Variants in TBC1D22A observed in about 807,000 individuals in gnomAD.
TBC1D22A encodes putative GTPase activator.
In TBC1D22A, 38 loss-of-function variants were observed where a neutral mutation model predicts 60.2. That is an observed-to-expected ratio of 0.63 (90% CI 0.49 to 0.83). TBC1D22A has a LOEUF of 0.83. Ranked by LOEUF, TBC1D22A falls within the 40% of genes least tolerant of loss-of-function variation. TBC1D22A has a pLI of 0.00. For synonymous variants in TBC1D22A, 302 were observed against 281.7 expected, an observed-to-expected ratio of 1.07 and a Z score of -0.72; for missense variants, 628 against 701.0, an observed-to-expected ratio of 0.90 and a Z score of 1.18.
chr22:46,823,509 T>C (rs1376477750), intron 4 of TBC1D22A, among the ~76,000 whole-genome samples: 2 of 152,068 alleles, frequency 1.3e-5, no homozygotes, highest in Non-Finnish European at 2.9e-5. Flanking sequence ...TCTCAGGGCA[T>C]GGGAAGCTGT....
At chr22:47,148,985 G>A (rs922136347) in intron 12 of TBC1D22A, among the ~76,000 whole-genome samples, 1 of 152,026 alleles carries the variant, frequency 6.6e-6, no homozygotes, top group African/African-American at 2.4e-5. Flanking sequence ...AGGGGGCCAC[G>A]GCTTCCCATG....
chr22:46,985,600 T>C (rs1396489610), intron 9 of TBC1D22A, among the ~76,000 whole-genome samples: 2 of 152,246 alleles, frequency 1.3e-5, no homozygotes, highest in African/African-American at 2.4e-5. Flanking sequence ...AGTTGATTCC[T>C]TTTAATTACT....
chr22:46,813,570 G>A (rs1255199794), intron 4 of TBC1D22A, among the ~76,000 whole-genome samples: 1 of 152,180 alleles, frequency 6.6e-6, no homozygotes, highest in Non-Finnish European at 1.5e-5. Context: ...GCTCCTACCA[G>A]GCGAGGCACA....
At chr22:46,829,247 G>T (rs549913139) in intron 4 of TBC1D22A, among the ~76,000 whole-genome samples, 2 of 152,220 alleles carry the variant, frequency 1.3e-5, no homozygotes, top group Non-Finnish European at 2.9e-5. Context: ...TGGGCTGTGA[G>T]CCCTCAGGGT....
At chr22:47,136,372 G>A (rs889478205) in intron 12 of TBC1D22A, among the ~76,000 whole-genome samples, 27 of 152,216 alleles carry the variant, frequency 1.8e-4, no homozygotes, top group African/African-American at 5.8e-4. Flanking sequence ...GGCTACCACT[G>A]ACCTGGGTGG....
At chr22:46,916,202 C>T (rs9616152) in intron 8 of TBC1D22A, among the ~76,000 whole-genome samples, 14,776 of 152,226 alleles carry the variant, frequency 0.097, 800 homozygotes, top group African/African-American at 0.12. Context: ...GCAGACCAGT[C>T]GACTAGGTGA....
intron 9 of TBC1D22A, among the ~76,000 whole-genome samples, chr22:46,986,139 A>T (rs138856601): frequency 6.6e-6 from 1 of 152,338 alleles, no homozygotes; most frequent in Non-Finnish European, 1.5e-5. Flanking sequence ...TATCCTGGTG[A>T]ACATAATGCC....
At chr22:47,010,342 T>C (rs377330185) in intron 10 of TBC1D22A, among the ~76,000 whole-genome samples, 5 of 139,214 alleles carry the variant, frequency 3.6e-5, no homozygotes, top group African/African-American at 1.5e-4. Flanking sequence ...TCCCTCCCCC[T>C]GGCTCTCGTC....
intron 10 of TBC1D22A, among the ~76,000 whole-genome samples, chr22:47,011,569 T>C (rs2061754111): frequency 6.6e-6 from 1 of 152,224 alleles, no homozygotes; most frequent in South Asian, 2.1e-4. Context: ...ATAAAGTGTT[T>C]AATGGAGCAG....
chr22:47,162,457 G>C (rs535901722), intron 12 of TBC1D22A, among the ~76,000 whole-genome samples: 30 of 152,294 alleles, frequency 2.0e-4, no homozygotes, highest in African/African-American at 7.2e-4. Flanking sequence ...ACCCTTGACC[G>C]AGCCTCCTGC....
intron 11 of TBC1D22A, among the ~76,000 whole-genome samples, chr22:47,081,462 A>G (rs907042456): frequency 6.6e-6 from 1 of 152,176 alleles, no homozygotes; most frequent in Non-Finnish European, 1.5e-5. Flanking sequence ...CACTACTTCT[A>G]TTCAGTATTG....
At chr22:46,807,255 T>TTGTGATGGTGATTGTGGG (rs1468742791) in intron 4 of TBC1D22A, among the ~76,000 whole-genome samples, 1 of 34,566 alleles carries the variant, frequency 2.9e-5, no homozygotes, top group Non-Finnish European at 6.3e-5. Context: ...TTAGTGTTGA[T>TTGTGATGGTGATTGTGGG]TGTGATGGTG....
At chr22:46,866,628 A>AT (rs1360308373) in intron 4 of TBC1D22A, among the ~76,000 whole-genome samples, 1 of 152,248 alleles carries the variant, frequency 6.6e-6, no homozygotes, top group African/African-American at 2.4e-5. Context: ...CGGTGGAGAA[A>AT]TTCCTTAGTT....
chr22:47,095,318 G>A (rs763102031), intron 11 of TBC1D22A, among the ~76,000 whole-genome samples: 8 of 152,204 alleles, frequency 5.3e-5, no homozygotes, highest in Non-Finnish European at 4.4e-5. Context: ...GGGAAATCTC[G>A]TGAGGCCAGA....
intron 4 of TBC1D22A, among the ~76,000 whole-genome samples, chr22:46,810,186 TCTATTTACCAGCGTTTCTAATTGGA>T (rs1364122853): frequency 1.3e-5 from 2 of 152,218 alleles, no homozygotes; most frequent in African/African-American, 4.8e-5. Context: ...TGATTTCTAC[TCTATTTACCAGCGTTTCTAATTGGA>T]AAAGCTGCAT....
rs143563881 is a variant in TBC1D22A, at chr22:47,131,772, C to G, written c.1425+20169C>G. 1.0e-2 allele frequency among the ~76,000 whole-genome samples: 1,523 copies of G among 152,332 alleles called. 13 individuals carry two copies. Among genetic ancestry groups the G allele is most frequent in the Middle Eastern group, 0.02 (6 of 294 alleles). ...GCCCATCAGTGCACAGTGACCCTGG[C>G]TCTCTCGCAGAGGCCCCTGGGGTCT... On this transcript the variant is annotated intron_variant, in intron 12 of 12. Transcript: ENST00000337137.
intron 1 of TBC1D22A, among the ~76,000 whole-genome samples, chr22:46,780,653 C>T (rs2083898001): frequency 6.6e-6 from 1 of 152,214 alleles, no homozygotes; most frequent in South Asian, 2.1e-4. Context: ...TCACTTGTAT[C>T]CTCATGGATT....
intron 12 of TBC1D22A, among the ~76,000 whole-genome samples, chr22:47,148,981 C>T (rs1207539801): frequency 6.6e-6 from 1 of 150,924 alleles, no homozygotes; most frequent in African/African-American, 2.5e-5. Context: ...TTCTAGGGGG[C>T]CACGGCTTCC....
intron 7 of TBC1D22A, 135 bp from the exon 8 acceptor site, chr22:46,911,939 A>C: frequency 1.6e-6 from 1 of 608,826 alleles, no homozygotes. Context: ...AAAAATTGAT[A>C]TTTGTTTATA....
Sources: allele counts gnomAD v4.1 joint callset (sites outside exome capture counted in the v4.1 genomes callset), GRCh38; gene constraint gnomAD v4.1.1; transcripts MANE v1.5; gene names NCBI Gene and HGNC (gene_info 2026-07-23, HGNC 2026-07-21).